Variants in CSMD1 observed in about 807,000 individuals in gnomAD.
CSMD1 encodes CUB and sushi domain-containing protein 1.
Under a neutral mutation model 417.5 loss-of-function variants are expected in CSMD1, and 213 were observed. The ratio of observed to expected loss-of-function variants is 0.51; its 90% confidence interval spans 0.46 to 0.57. The LOEUF is 0.57. Ranked by LOEUF, CSMD1 falls within the 20% of genes least tolerant of loss-of-function variation. The pLI is 0.00. For missense variants in CSMD1, 6,923 were observed against 4,529.7 expected (o/e 1.53, Z -15.17); for synonymous variants, 2,862 against 1,736.8 (o/e 1.65, Z -16.11).
intron 2 of CSMD1, among the ~76,000 whole-genome samples, chr8:4,582,896 T>C (rs989835778): frequency 1.3e-5 from 2 of 152,076 alleles, no homozygotes; most frequent in Non-Finnish European, 2.9e-5. Flanking sequence ...CGGGTGGGCG[T>C]GGGCTTGGCT....
intron 3 of CSMD1, among the ~76,000 whole-genome samples, chr8:4,050,874 A>T (rs1798389906): frequency 6.6e-6 from 1 of 152,162 alleles, no homozygotes. Flanking sequence ...GGCACTTCTA[A>T]TACTCCCAGA....
At chr8:3,550,874 T>G (rs1798879973) in intron 10 of CSMD1, among the ~76,000 whole-genome samples, 1 of 152,200 alleles carries the variant, frequency 6.6e-6, no homozygotes, top group Non-Finnish European at 1.5e-5. Context: ...CATTCCCATG[T>G]TGCCAATCTC....
chr8:3,428,892 C>T (rs62505579), intron 12 of CSMD1, among the ~76,000 whole-genome samples: 16,997 of 152,216 alleles, frequency 0.11, 1,087 homozygotes, highest in African/African-American at 0.16. Flanking sequence ...TGCAGCAACA[C>T]GGATGAGCCT....
chr8:4,842,899 G>A (rs1800924086), intron 1 of CSMD1, among the ~76,000 whole-genome samples: 2 of 152,062 alleles, frequency 1.3e-5, no homozygotes, highest in Non-Finnish European at 2.9e-5. Context: ...ACGTAGAATT[G>A]GAATAAATCT....
At chr8:3,015,627 C>A (rs1293538015) in intron 52 of CSMD1, among the ~76,000 whole-genome samples, 2 of 151,956 alleles carry the variant, frequency 1.3e-5, no homozygotes, top group African/African-American at 4.8e-5. Flanking sequence ...TATCTCCTTA[C>A]CAACTGCATC....
intron 25 of CSMD1, among the ~76,000 whole-genome samples, chr8:3,300,737 A>AT (rs1352304145): frequency 1.3e-5 from 2 of 152,066 alleles, no homozygotes; most frequent in African/African-American, 4.8e-5. Context: ...CGGGCAGATC[A>AT]TTGGAGGTCA....
intron 3 of CSMD1, among the ~76,000 whole-genome samples, chr8:4,320,514 C>G (rs183554841): frequency 2.6e-5 from 4 of 152,194 alleles, no homozygotes; most frequent in Admixed American, 6.5e-5. Context: ...CCCTAGACCC[C>G]CACCCCCCAA....
intron 2 of CSMD1, among the ~76,000 whole-genome samples, chr8:4,427,213 G>C (rs977943551): frequency 2.6e-5 from 4 of 152,144 alleles, no homozygotes; most frequent in African/African-American, 9.7e-5. Context: ...CGATTCCTGA[G>C]CCCAAGAGAG....
At chr8:3,543,829 G>A (rs1798543935) in intron 10 of CSMD1, among the ~76,000 whole-genome samples, 1 of 152,142 alleles carries the variant, frequency 6.6e-6, no homozygotes, top group South Asian at 2.1e-4. Context: ...CATTTTGGTA[G>A]AGGTTAGCAG....
intron 5 of CSMD1, among the ~76,000 whole-genome samples, chr8:3,852,762 T>C (rs1285386678): frequency 6.6e-6 from 1 of 151,952 alleles, no homozygotes; most frequent in African/African-American, 2.4e-5. Context: ...GCTGCACAGG[T>C]TTGTAGGATC....
chr8:4,596,971 T>C (rs537994980), intron 2 of CSMD1, among the ~76,000 whole-genome samples: 1 of 152,296 alleles, frequency 6.6e-6, no homozygotes, highest in East Asian at 1.9e-4. Context: ...ACCTCCATGT[T>C]AGAAGTGCCT....
At chr8:3,645,677 C>T (rs545224247) in intron 7 of CSMD1, among the ~76,000 whole-genome samples, 5 of 152,148 alleles carry the variant, frequency 3.3e-5, no homozygotes, top group Admixed American at 1.3e-4. Flanking sequence ...GCAGAGACTA[C>T]GGCATTGCCT....
intron 5 of CSMD1, among the ~76,000 whole-genome samples, chr8:3,855,888 C>G (rs149825639): frequency 7.6e-4 from 115 of 152,242 alleles, no homozygotes; most frequent in African/African-American, 2.7e-3. Flanking sequence ...GTCTTATTTT[C>G]TTGCTTTATA....
chr8:3,369,152 T>A, intron 19 of CSMD1, 102 bp downstream of exon 19: 1 of 601,436 alleles, frequency 1.7e-6, no homozygotes, highest in Admixed American at 3.0e-5. Flanking sequence ...ATGAGAAAAG[T>A]AGTTATCTCA....
At chr8:4,906,143 C>G (rs1053737050) in intron 1 of CSMD1, among the ~76,000 whole-genome samples, 2 of 152,168 alleles carry the variant, frequency 1.3e-5, no homozygotes, top group East Asian at 1.9e-4. Flanking sequence ...GCTACCTGCA[C>G]TCTTCGCTTC....
intron 1 of CSMD1, among the ~76,000 whole-genome samples, chr8:4,907,140 T>A (rs866501974): frequency 1.3e-5 from 2 of 152,234 alleles, no homozygotes; most frequent in African/African-American, 2.4e-5. Flanking sequence ...AGTTAGGGAA[T>A]AATGATGAAA....
chr8:4,848,835 C>A, intron 1 of CSMD1, among the ~76,000 whole-genome samples: 1 of 152,186 alleles, frequency 6.6e-6, no homozygotes, highest in East Asian at 1.9e-4. Flanking sequence ...TGAGCCAACG[C>A]GCCCAACCCA....
At chr8:4,279,837 C>G (rs921624077) in intron 3 of CSMD1, among the ~76,000 whole-genome samples, 2 of 152,134 alleles carry the variant, frequency 1.3e-5, no homozygotes, top group Non-Finnish European at 2.9e-5. Flanking sequence ...GAGTGCTTGC[C>G]TGCAGCAGCT....
chr8:3,040,387 A>AATAT (rs35722761), intron 50 of CSMD1, among the ~76,000 whole-genome samples: 34,984 of 137,060 alleles, frequency 0.26, 5,283 homozygotes, highest in Non-Finnish European at 0.34. Context: ...TACACATTGA[A>AATAT]ATATATATAT....
Sources: gnomAD v4.1 joint callset for allele counts (sites outside exome capture counted in the v4.1 genomes callset) on GRCh38, gnomAD v4.1.1 for gene constraint, MANE v1.5 for transcripts, NCBI Gene and HGNC (gene_info 2026-07-23, HGNC 2026-07-21) for gene names.